LMBRD1: variants seen among roughly 807,000 people sequenced by gnomAD.
LMBRD1 encodes lysosomal cobalamin transport escort protein LMBD1.
LMBRD1 carries 64 observed loss-of-function variants against 74.8 expected under a neutral mutation model. The ratio of observed to expected loss-of-function variants is 0.86; its 90% confidence interval spans 0.70 to 1.05. LMBRD1 has a LOEUF of 1.05. Among genes scored for constraint, LMBRD1 ranks in the 50% least tolerant of loss-of-function variants. The pLI is 0.00. For synonymous variants in LMBRD1, 204 were observed against 216.3 expected (o/e 0.94, Z 0.50); for missense variants, 652 against 645.9 (o/e 1.01, Z -0.10).
At chr6:69,702,551 T>C (rs778215253) in intron 9 of LMBRD1, among the ~76,000 whole-genome samples, 15 of 152,126 alleles carry the variant, frequency 9.9e-5, no homozygotes, top group South Asian at 2.1e-4. Flanking sequence ...TAGTGGAACA[T>C]ATTTCTCCCA....
At chr6:69,728,319 C>A (rs1766780574) in intron 7 of LMBRD1, among the ~76,000 whole-genome samples, 1 of 152,170 alleles carries the variant, frequency 6.6e-6, no homozygotes, top group Non-Finnish European at 1.5e-5. Context: ...ACCGCCGACA[C>A]TCGGGATCAC....
chr6:69,725,471 C>G (rs1213534548), intron 7 of LMBRD1, among the ~76,000 whole-genome samples: 2 of 151,904 alleles, frequency 1.3e-5, no homozygotes, highest in Admixed American at 6.6e-5. Context: ...ATCATATTAC[C>G]TGACTTTAAA....
chr6:69,750,305 G>C (rs1448109560), intron 4 of LMBRD1, among the ~76,000 whole-genome samples: 1 of 151,670 alleles, frequency 6.6e-6, no homozygotes, highest in Non-Finnish European at 1.5e-5. Context: ...GTCCAGAGAA[G>C]TTAATAATCT....
intron 1 of LMBRD1, among the ~76,000 whole-genome samples, chr6:69,796,283 G>C (rs1355569095): frequency 6.6e-6 from 1 of 152,024 alleles, no homozygotes; most frequent in Admixed American, 6.5e-5. Flanking sequence ...AAGTCAGAAC[G>C]AGCAACTCAC....
At chr6:69,714,106 A>G (rs1017188365) in intron 8 of LMBRD1, among the ~76,000 whole-genome samples, 2 of 152,004 alleles carry the variant, frequency 1.3e-5, no homozygotes, top group Non-Finnish European at 2.9e-5. Flanking sequence ...AGAAGTGTTA[A>G]CTACTATGTA....
intron 9 of LMBRD1, among the ~76,000 whole-genome samples, chr6:69,707,488 G>A (rs1488092435): frequency 6.6e-6 from 1 of 152,066 alleles, no homozygotes; most frequent in Non-Finnish European, 1.5e-5. Flanking sequence ...ATTTTGGCTT[G>A]AATTCTATTT....
At chr6:69,766,208 A>G (rs1765472448) in intron 3 of LMBRD1, among the ~76,000 whole-genome samples, 1 of 152,010 alleles carries the variant, frequency 6.6e-6, no homozygotes, top group Admixed American at 6.6e-5. Flanking sequence ...AATGTTAAAT[A>G]GCAGTGTTGA....
chr6:69,766,347 A>G (rs1352804822), intron 3 of LMBRD1, among the ~76,000 whole-genome samples: 1 of 151,740 alleles, frequency 6.6e-6, no homozygotes, highest in Admixed American at 6.6e-5. Context: ...CTCTGTAACT[A>G]TTTTGCTGAT....
intron 2 of LMBRD1, among the ~76,000 whole-genome samples, chr6:69,784,489 G>A (rs115538268): frequency 0.015 from 2,304 of 152,192 alleles, 64 homozygotes; most frequent in African/African-American, 0.052. Context: ...GACAATGTCC[G>A]GAGACATGGT....
intron 7 of LMBRD1, among the ~76,000 whole-genome samples, chr6:69,729,179 A>C (rs1766798674): frequency 1.4e-5 from 2 of 147,530 alleles, no homozygotes; most frequent in African/African-American, 5.0e-5. Context: ...TGTCCAACAT[A>C]CACATTTTAT....
chr6:69,676,293 G>A, intron 15 of LMBRD1, 22 bp from the exon 16 acceptor site: 1 of 1,607,768 alleles, frequency 6.2e-7, no homozygotes, highest in Non-Finnish European at 8.5e-7. Flanking sequence ...AATAAGCCAT[G>A]TGTTATTTTT....
At chr6:69,740,816 C>T (rs73481751) in intron 6 of LMBRD1, among the ~76,000 whole-genome samples, 6,580 of 152,128 alleles carry the variant, frequency 0.043, 475 homozygotes, top group African/African-American at 0.15. Context: ...TGTTCAAATG[C>T]ACAAGGAATT....
rs1766066379 is a variant in LMBRD1, at chr6:69,790,814, A to G, written c.70-342T>C. On this transcript the variant is annotated intron_variant, in intron 1 of 15. Coordinates refer to ENST00000649934, the MANE Select transcript of LMBRD1 (RefSeq NM_018368.4). ...TTTCCCTGTAGATTTTTCCAACCTA[A>G]AAGAGATATGAGTAGAAGCTGTTCT... 1.4e-5 allele frequency: 5 copies of G among 348,928 alleles called. No homozygotes were observed. In the East Asian group the frequency reaches 3.6e-4, roughly 25 times the overall value. The allele number at this position is 348,928 out of a possible 1,614,324, so 21.6% of individuals were successfully genotyped here.
At chr6:69,689,331 C>G (rs1458043345) in intron 14 of LMBRD1, among the ~76,000 whole-genome samples, 1 of 152,070 alleles carries the variant, frequency 6.6e-6, no homozygotes, top group Non-Finnish European at 1.5e-5. Flanking sequence ...TGTCAACTCT[C>G]CAAACAACAT....
At chr6:69,709,072 T>C (rs1052894085) in intron 9 of LMBRD1, among the ~76,000 whole-genome samples, 5 of 151,904 alleles carry the variant, frequency 3.3e-5, no homozygotes, top group African/African-American at 1.2e-4. Context: ...CCGTCTCTAC[T>C]AAAAATACAA....
intron 9 of LMBRD1, among the ~76,000 whole-genome samples, chr6:69,708,847 T>C (rs561481715): frequency 6.6e-6 from 1 of 152,298 alleles, no homozygotes; most frequent in South Asian, 2.1e-4. Flanking sequence ...GGTCTTAAAT[T>C]ACCTTCAGTA....
intron 3 of LMBRD1, among the ~76,000 whole-genome samples, chr6:69,772,594 C>A (rs1765598317): frequency 6.6e-6 from 1 of 152,044 alleles, no homozygotes; most frequent in Admixed American, 6.6e-5. Flanking sequence ...GCAAACTTAA[C>A]AGAAACCACT....
chr6:69,701,985 G>T, intron 9 of LMBRD1, 32 bp from the exon 10 acceptor site: 1 of 1,321,948 alleles, frequency 7.6e-7, no homozygotes, highest in Non-Finnish European at 1.1e-6. Flanking sequence ...TTAAAATATA[G>T]TTCTAAAAGT....
intron 14 of LMBRD1, among the ~76,000 whole-genome samples, chr6:69,687,315 T>C (rs1166029108): frequency 1.3e-5 from 2 of 152,260 alleles, no homozygotes; most frequent in East Asian, 3.9e-4. Flanking sequence ...TGAACACCAG[T>C]TAATCTCCTT....
Sources: gnomAD v4.1 joint callset for allele counts (sites outside exome capture counted in the v4.1 genomes callset) on GRCh38, gnomAD v4.1.1 for gene constraint, MANE v1.5 for transcripts, NCBI Gene and HGNC (gene_info 2026-07-23, HGNC 2026-07-21) for gene names.